VPS8: variants seen among roughly 807,000 people sequenced by gnomAD.
The protein encoded by VPS8 is VPS8 subunit of CORVET complex, also known as vacuolar protein sorting-associated protein 8 homolog.
Under a neutral mutation model 216.4 loss-of-function variants are expected in VPS8, and 129 were observed. The observed-to-expected ratio is 0.60, with a 90% confidence interval of 0.52 to 0.69. The LOEUF (loss-of-function observed/expected upper bound fraction) is 0.69. Ranked by LOEUF, VPS8 falls within the 30% of genes least tolerant of loss-of-function variation. The pLI, the probability that VPS8 is intolerant of heterozygous loss-of-function variation, is 0.00. For missense variants in VPS8, 1,531 were observed against 1,683.5 expected (o/e 0.91, Z 1.59); for synonymous variants, 571 against 565.4 (o/e 1.01, Z -0.14).
Position 184,929,621 on chromosome 3 carries a change from A to G in VPS8, c.2756A>G (p.Tyr919Cys). The change falls in exon 33 of 48, where the codon TAT (tyrosine) becomes TGT (cysteine). Residue 919 changes from tyrosine (Y) to cysteine (C), a missense_variant. Transcript: ENST00000625842. ...CEFMYEREHQ[Y>C]DKIIDCYLRD... ...TTTATGTATGAAAGAGAACACCAAT[A>G]TGATAAAATTATTGATTGCTACTTA... 5.8e-6 allele frequency: 9 copies of G among 1,539,790 alleles called. No individual in the cohort carries two copies. The highest frequency in any genetic ancestry group is 7.9e-6 in the Non-Finnish European group (9 of 1,138,908).
At chr3:184,991,674 G>T (rs1402316445) in intron 42 of VPS8, among the ~76,000 whole-genome samples, 1 of 152,032 alleles carries the variant, frequency 6.6e-6, no homozygotes, top group Non-Finnish European at 1.5e-5. Flanking sequence ...ATAAGATATT[G>T]TACCATCTGT....
chr3:185,031,074 T>G (rs984841234), intron 46 of VPS8, among the ~76,000 whole-genome samples: 1 of 142,622 alleles, frequency 7.0e-6, no homozygotes, highest in Non-Finnish European at 1.5e-5. Flanking sequence ...TTTTTTTTTT[T>G]TTTTTTTTTT....
chr3:184,854,610 C>G (rs1266811057), intron 13 of VPS8, among the ~76,000 whole-genome samples: 1 of 152,136 alleles, frequency 6.6e-6, no homozygotes, highest in East Asian at 1.9e-4. Context: ...TTTATTGAGT[C>G]CAAGCCCTGA....
intron 28 of VPS8, 85 bp downstream of exon 28, chr3:184,915,559 T>A: frequency 6.9e-7 from 1 of 1,441,580 alleles, no homozygotes; most frequent in Non-Finnish European, 9.4e-7. Context: ...ACCCCTGTAA[T>A]CCCAACACTT....
chr3:184,878,328 C>T (rs1271127255), intron 21 of VPS8, among the ~76,000 whole-genome samples: 2 of 152,110 alleles, frequency 1.3e-5, no homozygotes, highest in Non-Finnish European at 2.9e-5. Context: ...CCAGGCTGGT[C>T]TCAAACTTCT....
chr3:184,932,166 C>T (rs1009000675), intron 34 of VPS8, among the ~76,000 whole-genome samples: 11 of 152,124 alleles, frequency 7.2e-5, no homozygotes, highest in Admixed American at 1.3e-4. Flanking sequence ...ATATAATCAA[C>T]ATTAAATACA....
At chr3:184,923,900 G>C (rs1461919630) in intron 29 of VPS8, among the ~76,000 whole-genome samples, 1 of 152,110 alleles carries the variant, frequency 6.6e-6, no homozygotes, top group Non-Finnish European at 1.5e-5. Flanking sequence ...TCTCTAACCA[G>C]TTGAATTAAA....
At chr3:184,950,216 CTT>C (rs10700220) in intron 36 of VPS8, among the ~76,000 whole-genome samples, 6 of 39,930 alleles carry the variant, frequency 1.5e-4, no homozygotes, top group African/African-American at 4.2e-4. Flanking sequence ...CAGTTTTCTG[CTT>C]TTTTTTTTTT....
At chr3:184,837,456 T>TA (rs1721312511) in intron 5 of VPS8, among the ~76,000 whole-genome samples, 1 of 152,234 alleles carries the variant, frequency 6.6e-6, no homozygotes, top group South Asian at 2.1e-4. Context: ...TCTCTTTCCC[T>TA]GTCTAGATGC....
chr3:184,880,892 T>C (rs994581831), intron 21 of VPS8, among the ~76,000 whole-genome samples: 3 of 152,180 alleles, frequency 2.0e-5, no homozygotes, highest in African/African-American at 7.2e-5. Context: ...TGGCTTTAAT[T>C]TGCATTTCCC....
chr3:185,045,178 A>ATGATCGCATTCCGAATT (rs1342167576), intron 46 of VPS8, among the ~76,000 whole-genome samples: 1 of 151,508 alleles, frequency 6.6e-6, no homozygotes, highest in Non-Finnish European at 1.5e-5. Flanking sequence ...CACCAGTGTC[A>ATGATCGCATTCCGAATT]ATACAAAGTG....
chr3:184,838,099 G>A (rs1721460387), intron 5 of VPS8, among the ~76,000 whole-genome samples: 1 of 152,186 alleles, frequency 6.6e-6, no homozygotes, highest in Non-Finnish European at 1.5e-5. Context: ...GCTCACTGAG[G>A]TAAACAGTGC....
chr3:185,031,491 C>T (rs1041208029), intron 46 of VPS8, among the ~76,000 whole-genome samples: 2 of 152,104 alleles, frequency 1.3e-5, no homozygotes, highest in Non-Finnish European at 2.9e-5. Context: ...GTTTTTGCAT[C>T]GGCAGAGTTG....
intron 33 of VPS8, 61 bp from the exon 34 acceptor site, chr3:184,930,409 T>C: frequency 3.3e-6 from 4 of 1,220,332 alleles, no homozygotes; most frequent in Non-Finnish European, 4.8e-6. Context: ...ACTGGTTCAG[T>C]TGGTAGGGAC....
At chr3:185,027,352 C>A (rs537641052) in intron 46 of VPS8, among the ~76,000 whole-genome samples, 1 of 150,298 alleles carries the variant, frequency 6.7e-6, no homozygotes, top group Non-Finnish European at 1.5e-5. Flanking sequence ...ACGCCATTCT[C>A]CTGCCTCAGC....
intron 1 of VPS8, among the ~76,000 whole-genome samples, chr3:184,821,835 AT>A (rs1717666048): frequency 6.6e-6 from 1 of 152,108 alleles, no homozygotes; most frequent in African/African-American, 2.4e-5. Flanking sequence ...GCTCAGCCAC[AT>A]TATTCATTGT....
intron 21 of VPS8, among the ~76,000 whole-genome samples, chr3:184,874,296 A>C (rs35300632): frequency 6.6e-6 from 1 of 152,158 alleles, no homozygotes; most frequent in Non-Finnish European, 1.5e-5. Flanking sequence ...TGTGGCTGGA[A>C]TAGATTAGTA....
intron 40 of VPS8, among the ~76,000 whole-genome samples, chr3:184,972,990 T>A (rs1214811649): frequency 6.6e-6 from 1 of 152,236 alleles, no homozygotes; most frequent in Non-Finnish European, 1.5e-5. Context: ...TATTTTCTGT[T>A]CTTCTGAGAT....
intron 25 of VPS8, chr3:184,901,407 T>C (rs1379445366): frequency 6.5e-6 from 1 of 153,804 alleles, no homozygotes; most frequent in African/African-American, 2.4e-5. Flanking sequence ...GTTTAATCAT[T>C]CACCACTTCA....
Sources: gnomAD v4.1 joint callset for allele counts (sites outside exome capture counted in the v4.1 genomes callset) on GRCh38, gnomAD v4.1.1 for gene constraint, MANE v1.5 for transcripts, NCBI Gene and HGNC (gene_info 2026-07-23, HGNC 2026-07-21) for gene names.